The following OSBPL6 variants were observed in gnomAD, a reference collection of about 807,000 sequenced individuals.
OSBPL6 encodes oxysterol binding protein like 6, also known as oxysterol-binding protein-related protein 6.
Under a neutral mutation model 125.8 loss-of-function variants are expected in OSBPL6, and 49 were observed. The ratio of observed to expected loss-of-function variants is 0.39; its 90% CI spans 0.31 to 0.49. The LOEUF is 0.49. Among genes scored for constraint, OSBPL6 ranks in the 20% least tolerant of loss-of-function variants. The pLI, the probability that OSBPL6 is intolerant of heterozygous loss-of-function variation, is 0.88. For synonymous variants in OSBPL6, 394 were observed against 391.8 expected (o/e 1.01, Z -0.07); for missense variants, 986 against 1,135.4 (o/e 0.87, Z 1.89).
chr2:178,346,696 C>T (rs948693167), intron 11 of OSBPL6, among the ~76,000 whole-genome samples: 4 of 152,162 alleles, frequency 2.6e-5, no homozygotes, highest in African/African-American at 9.7e-5. Context: ...CCAGTTACCA[C>T]TTAGATTTTT....
In OSBPL6 at chr2:178,383,149, C is replaced by T. The variant is rs1286707140; in HGVS notation, c.1747C>T (p.Leu583=). 1 of 1,614,186 alleles carries T rather than the reference C, an allele frequency of 6.2e-7. No homozygotes were observed. The highest frequency in any genetic ancestry group is 2.2e-5 in the East Asian group (1 of 44,884). Reference sequence around the variant, plus strand: ...CTTGAGGAACAACATTGGTAAAGACCTGTCTAAAGTCTCTATGCCTGTGGA... The same window carrying T: ...CTTGAGGAACAACATTGGTAAAGACTTGTCTAAAGTCTCTATGCCTGTGGA... ...NILRNNIGKD[L]SKVSMPVELN... Residue 583 remains leucine, a synonymous_variant, in exon 17 of 25, where the codon CTG becomes TTG. Transcript: ENST00000190611.
At chr2:178,250,658 C>A (rs533555971) in intron 1 of OSBPL6, among the ~76,000 whole-genome samples, 1 of 152,314 alleles carries the variant, frequency 6.6e-6, no homozygotes, top group African/African-American at 2.4e-5. Flanking sequence ...CACTCCTGGG[C>A]TCCATTCTCC....
intron 1 of OSBPL6, among the ~76,000 whole-genome samples, chr2:178,281,447 T>G (rs142646393): frequency 0.014 from 2,153 of 152,274 alleles, 40 homozygotes; most frequent in African/African-American, 0.049. Context: ...AATTTTTGTA[T>G]AAGGTGTAAG....
At chr2:178,201,285 G>A (rs938407305) in intron 1 of OSBPL6, among the ~76,000 whole-genome samples, 4 of 152,216 alleles carry the variant, frequency 2.6e-5, no homozygotes, top group African/African-American at 9.6e-5. Flanking sequence ...AACTCAAAGT[G>A]ACAACTTGAG....
At chr2:178,259,195 G>T (rs1305280535) in intron 1 of OSBPL6, among the ~76,000 whole-genome samples, 1 of 152,096 alleles carries the variant, frequency 6.6e-6, no homozygotes, top group Non-Finnish European at 1.5e-5. Flanking sequence ...CGTGCTTCCT[G>T]CCCCCTATTT....
At chr2:178,249,030 C>T (rs770971227) in intron 1 of OSBPL6, among the ~76,000 whole-genome samples, 2 of 152,014 alleles carry the variant, frequency 1.3e-5, no homozygotes, top group Admixed American at 6.6e-5. Flanking sequence ...TCCACCTCCC[C>T]GGTTCAAGTG....
chr2:178,206,455 T>A (rs973864556), intron 1 of OSBPL6, among the ~76,000 whole-genome samples: 1 of 152,218 alleles, frequency 6.6e-6, no homozygotes, highest in African/African-American at 2.4e-5. Context: ...AACCTGTATA[T>A]TTAGTGATAT....
chr2:178,220,955 G>A (rs1038249623), intron 1 of OSBPL6, among the ~76,000 whole-genome samples: 5 of 152,128 alleles, frequency 3.3e-5, no homozygotes, highest in Admixed American at 1.3e-4. Flanking sequence ...GAAAAAAATC[G>A]CCCTCTTGGG....
intron 1 of OSBPL6, among the ~76,000 whole-genome samples, chr2:178,205,748 A>G (rs2089494265): frequency 1.3e-5 from 2 of 152,230 alleles, no homozygotes; most frequent in African/African-American, 4.8e-5. Flanking sequence ...GTAGTCACTT[A>G]TTGAAACACG....
rs79551578 is a variant in OSBPL6 at position 178,232,883 on chromosome 2, C to T, written c.-351+38209C>T. ...GACCTGTTACTGGGCCTCAGATGTA[C>T]TCGTGTATACGCTGAACTCCTGTCT... On this transcript the variant is annotated intron_variant, in intron 1 of 24. Transcript: ENST00000190611. 1.3e-3 allele frequency among the ~76,000 whole-genome samples: 202 copies of T among 152,240 alleles called. 1 individual carries two copies. Among genetic ancestry groups the T allele is most frequent in the African/African-American group, 4.7e-3 (194 of 41,544 alleles).
intron 15 of OSBPL6, among the ~76,000 whole-genome samples, chr2:178,382,216 C>G (rs1694546103): frequency 6.6e-6 from 1 of 152,170 alleles, no homozygotes; most frequent in Non-Finnish European, 1.5e-5. Context: ...AGATAAGGAG[C>G]TAAAGACCAG....
In OSBPL6 at chr2:178,287,148, T is replaced by G. The variant is rs919593955; in HGVS notation, c.-156+2027T>G. ...TCCTAAAACAATGGTTCTTCTTTTTTTAAAAAAAAAAAAAAAAAAAACAAA... is the reference window on the plus strand; with the variant it reads ...TCCTAAAACAATGGTTCTTCTTTTTGTAAAAAAAAAAAAAAAAAAAACAAA... On this transcript the variant is annotated intron_variant, in intron 2 of 24. Coordinates refer to ENST00000190611, the MANE Select transcript of OSBPL6 (RefSeq NM_032523.4). 4.1e-5 allele frequency among the ~76,000 whole-genome samples: 4 copies of G among 97,678 alleles called. No homozygotes were observed. In the Admixed American group the frequency reaches 4.4e-4, roughly 11 times the overall value. The allele number at this position is 97,678 out of a possible 152,430, so 64.1% of individuals were successfully genotyped here.
At chr2:178,230,735 T>C (rs1419007856) in intron 1 of OSBPL6, among the ~76,000 whole-genome samples, 1 of 152,202 alleles carries the variant, frequency 6.6e-6, no homozygotes, top group Non-Finnish European at 1.5e-5. Flanking sequence ...TCTACCTACC[T>C]AGATTATAAA....
At chr2:178,300,198 C>T (rs1418050370) in intron 2 of OSBPL6, among the ~76,000 whole-genome samples, 1 of 152,166 alleles carries the variant, frequency 6.6e-6, no homozygotes, top group East Asian at 1.9e-4. Flanking sequence ...TACAATTTGT[C>T]CTCACACTTT....
chr2:178,383,261 A>G lies in OSBPL6; in HGVS notation c.1859A>G (p.Asp620Gly). 6.2e-7 allele frequency: 1 copy of G among 1,614,124 alleles called. No homozygotes were observed. The highest frequency in any genetic ancestry group is 1.1e-5 in the South Asian group (1 of 91,082). Reference protein sequence around the residue: ...ELLDKASETDDPYERMVLVAA... With the variant: ...ELLDKASETDGPYERMVLVAA... ...CTGGACAAGGCTTCGGAAACTGATG[A>G]TCCATATGAGCGCATGGTAATAAAT... The change falls in exon 17 of 25, where the codon GAT becomes GGT. Residue 620 changes from aspartate to glycine, a missense_variant. Coordinates refer to ENST00000190611, the MANE Select transcript of OSBPL6 (RefSeq NM_032523.4).
chr2:178,257,424 T>G (rs2154009433), intron 1 of OSBPL6, among the ~76,000 whole-genome samples: 1 of 152,336 alleles, frequency 6.6e-6, no homozygotes, highest in Non-Finnish European at 1.5e-5. Flanking sequence ...TATACATACT[T>G]CTGTCATATT....
intron 11 of OSBPL6, among the ~76,000 whole-genome samples, chr2:178,346,883 A>G (rs1431608417): frequency 7.9e-5 from 12 of 152,196 alleles, no homozygotes; most frequent in Admixed American, 7.9e-4. Flanking sequence ...AAAAAAGTAT[A>G]CCAATATATA....
chr2:178,385,378 G>T (rs1408333747), intron 18 of OSBPL6, 80 bp from the exon 19 acceptor site: 2 of 1,003,798 alleles, frequency 2.0e-6, no homozygotes, highest in African/African-American at 3.2e-5. Flanking sequence ...TACATTTTGA[G>T]AATAATTCAG....
At chr2:178,239,001 T>C (rs2091176832) in intron 1 of OSBPL6, among the ~76,000 whole-genome samples, 1 of 152,220 alleles carries the variant, frequency 6.6e-6, no homozygotes, top group Non-Finnish European at 1.5e-5. Context: ...TGTGTCCTTT[T>C]GCCTTTCAAT....
Sources: gnomAD v4.1 joint callset for allele counts (sites outside exome capture counted in the v4.1 genomes callset) on GRCh38, gnomAD v4.1.1 for gene constraint, MANE v1.5 for transcripts, NCBI Gene and HGNC (gene_info 2026-07-23, HGNC 2026-07-21) for gene names.